The following PRSS58 variants were observed in gnomAD, a reference collection of about 807,000 sequenced individuals.
PRSS58 encodes protease, serine 58.
Under a neutral mutation model 25.0 loss-of-function variants are expected in PRSS58, and 31 were observed. The ratio of observed to expected loss-of-function variants is 1.24; its 90% confidence interval spans 0.93 to 1.67. The LOEUF (loss-of-function observed/expected upper bound fraction) is 1.67. Ranked by LOEUF, PRSS58 falls within the 40% of genes most tolerant of loss-of-function variation. PRSS58 has a pLI of 0.00. For synonymous variants in PRSS58, 119 were observed against 106.1 expected (o/e 1.12, Z -0.75); for missense variants, 324 against 287.9 (o/e 1.13, Z -0.91).
chr7:142,257,136 G>A (rs1331110326), intron 2 of PRSS58, among the ~76,000 whole-genome samples: 1 of 152,154 alleles, frequency 6.6e-6, no homozygotes, highest in Non-Finnish European at 1.5e-5. Context: ...GGTCTGTTAG[G>A]AGAATAATTT....
chr7:142,252,624 T>C lies in PRSS58; in HGVS notation c.437-13A>G, dbSNP rs2116380827. On this transcript the variant is annotated splice_polypyrimidine_tract_variant and intron_variant, in intron 4 of 5. Transcript: ENST00000547058. ...TCGGGCTCTTTGTCTAAAGAAAAGATAGAAGTCAAACTTCCTTAAGAGTTT... is the reference window on the plus strand; with the variant it reads ...TCGGGCTCTTTGTCTAAAGAAAAGACAGAAGTCAAACTTCCTTAAGAGTTT... 1 of 1,599,156 alleles carries C rather than the reference T, an allele frequency of 6.3e-7. No homozygotes were observed. The highest frequency in any genetic ancestry group is 8.5e-7 in the Non-Finnish European group (1 of 1,176,580).
At chr7:142,253,631 T>TC (rs111385036) in intron 4 of PRSS58, among the ~76,000 whole-genome samples, 27,665 of 152,074 alleles carry the variant, frequency 0.18, 3,366 homozygotes, top group African/African-American at 0.34. Context: ...TGTTTTTATT[T>TC]GAAAATAATG....
At chr7:142,255,475 G>A in intron 3 of PRSS58, 60 bp downstream of exon 3, 2 of 1,608,060 alleles carry the variant, frequency 1.2e-6, no homozygotes, top group South Asian at 1.1e-5. Context: ...ACAGGGGTGA[G>A]AGTCTGTGCC....
Position 142,255,534 on chromosome 7 carries a change from C to T in PRSS58, c.179+1G>A, listed in dbSNP as rs766468973. 89 of 1,613,928 alleles carry T rather than the reference C, an allele frequency of 5.5e-5. No individual in the cohort carries two copies. Among genetic ancestry groups the T allele is most frequent in the Non-Finnish European group, 6.5e-5 (77 of 1,179,986 alleles). On this transcript the variant is annotated splice_donor_variant, in intron 3 of 5. Transcript: ENST00000547058. LOFTEE classifies it high-confidence loss of function. ...AGTGCCTTTGAAGGCTTATCACTCA[C>T]GGTAAATTGCAGTGTGCAGCTGTGA...
At chr7:142,254,982 T>C (rs1386496157) in intron 4 of PRSS58, 73 bp downstream of exon 4, 12 of 1,452,096 alleles carry the variant, frequency 8.3e-6, no homozygotes, top group Admixed American at 3.4e-5. Context: ...CTAGGCCGAA[T>C]TGAAGAAGCC....
Position 142,255,289 on chromosome 7 carries a change from C to A in PRSS58, c.202G>T (p.Val68Phe), listed in dbSNP as rs1798536326. ...NLPKLRVILG[V>F]TIPADSNEKH... is the part of the protein sequence containing the mutation. ...TCATTAGAGTCTGCTGGGATTGTAA[C>A]CCCCAATATCACCCGAAGCTTTCTG... The change falls in exon 4 of 6, where the codon GTT becomes TTT. Residue 68 changes from valine (V) to phenylalanine (F), a missense_variant. Transcript: ENST00000547058. 1 of 1,613,740 alleles carries A rather than the reference C, an allele frequency of 6.2e-7. No individual in the cohort carries two copies. Among genetic ancestry groups the A allele is most frequent in the Non-Finnish European group, 8.5e-7 (1 of 1,179,750 alleles).
At position 142,252,389 on chromosome 7, in the gene PRSS58, T is replaced by TAAC. The variant is rs766659724; in HGVS notation, c.577-22_577-20dup. ...AAACTTCCTGCCAGGAAAACAATAA[T>TAAC]AACAACAACAAAAAAGCAGATTATC... is the stretch of plus-strand genomic sequence containing the variant. On this transcript the variant is annotated intron_variant, in intron 5 of 5. Coordinates refer to ENST00000547058, the MANE Select transcript of PRSS58 (RefSeq NM_001001317.5). The TAAC allele has an allele frequency of 6.8e-6, 11 of 1,610,964 alleles. No individual in the cohort carries two copies. The East Asian group carries it at 1.1e-4, about 16-fold the overall frequency.
At position 142,255,323 on chromosome 7, in the gene PRSS58, T is replaced by A. The variant is rs781175861; in HGVS notation, c.180-12A>T. On this transcript the variant is annotated splice_polypyrimidine_tract_variant and intron_variant, in intron 3 of 5. Coordinates refer to ENST00000547058, the MANE Select transcript of PRSS58 (RefSeq NM_001001317.5). ...TCACCCGAAGCTTTCTGGAACAATA[T>A]AGACGTTTATGAGAGGACTTAACAG... is the stretch of plus-strand genomic sequence containing the variant. The A allele has an allele frequency of 6.8e-6, 11 of 1,611,700 alleles. No homozygotes were observed. The South Asian group carries it at 1.1e-4, about 16-fold the overall frequency.
intron 4 of PRSS58, among the ~76,000 whole-genome samples, chr7:142,253,724 G>A (rs1206834999): frequency 6.6e-6 from 1 of 152,024 alleles, no homozygotes; most frequent in Non-Finnish European, 1.5e-5. Flanking sequence ...TTTCTTTTGG[G>A]AATACTTCTG....
chr7:142,257,164 G>A (rs1186247463), intron 2 of PRSS58, among the ~76,000 whole-genome samples: 3 of 152,220 alleles, frequency 2.0e-5, no homozygotes, highest in Non-Finnish European at 4.4e-5. Context: ...CAGGCAAGAG[G>A]TGGTGGCTTA....
chr7:142,255,413 G>T lies in PRSS58; in HGVS notation c.180-102C>A. The T allele has an allele frequency of 1.9e-6, 3 of 1,576,512 alleles. No homozygotes were observed. In the Admixed American group the frequency reaches 5.1e-5, roughly 27 times the overall value. On this transcript the variant is annotated intron_variant, in intron 3 of 5. Transcript: ENST00000547058. ...CCCACAGACCTTTTTCTGTACCCTC[G>T]TATGTCTCCCAAAGGCTTTTCTAAT...
intron 3 of PRSS58, 49 bp from the exon 4 acceptor site, chr7:142,255,360 C>T (rs567436531): frequency 1.4e-5 from 22 of 1,596,878 alleles, no homozygotes; most frequent in Non-Finnish European, 1.9e-5. Flanking sequence ...GATGGCTTCT[C>T]CATCATTATG....
intron 2 of PRSS58, 73 bp downstream of exon 2, chr7:142,257,595 C>CT (rs1432499342): frequency 7.7e-7 from 1 of 1,298,026 alleles, no homozygotes; most frequent in Non-Finnish European, 1.1e-6. Flanking sequence ...ATGCCTCTCG[C>CT]TGTTACCCGT....
Position 142,257,738 on chromosome 7 carries a change from T to A in PRSS58, c.-31A>T. On this transcript the variant is annotated 5_prime_UTR_variant, in exon 2 of 6. Transcript: ENST00000547058. Reference sequence around the variant, plus strand: ...TGTTGAAAGCCCAGTTTAGCTCCAGTCTCTGGAAAACTGGGAAGAGAGAGA... The same window carrying A: ...TGTTGAAAGCCCAGTTTAGCTCCAGACTCTGGAAAACTGGGAAGAGAGAGA... 1 of 1,596,132 alleles carries A rather than the reference T, an allele frequency of 6.3e-7. No individual in the cohort carries two copies. Among genetic ancestry groups the A allele is most frequent in the East Asian group, 2.2e-5 (1 of 44,760 alleles).
At chr7:142,257,159 A>C (rs999549892) in intron 2 of PRSS58, among the ~76,000 whole-genome samples, 2 of 152,200 alleles carry the variant, frequency 1.3e-5, no homozygotes, top group Non-Finnish European at 2.9e-5. Context: ...TAATCCAGGC[A>C]AGAGGTGGTG....
At chr7:142,255,713 C>A in intron 2 of PRSS58, 40 bp from the exon 3 acceptor site, 1 of 1,541,028 alleles carries the variant, frequency 6.5e-7, no homozygotes, top group Non-Finnish European at 8.7e-7. Context: ...CAAGATTTCT[C>A]AGTCATCACC....
chr7:142,257,668 C>G lies in PRSS58; in HGVS notation c.40G>C (p.Val14Leu), dbSNP rs149822174. The G allele has an allele frequency of 3.1e-6, 5 of 1,612,096 alleles. No homozygotes were observed. Among genetic ancestry groups the G allele is most frequent in the Admixed American group, 1.7e-5 (1 of 59,980 alleles). ...ILLWALLNLT[V>L]ALAFNPDYTV... ...AAGAGACAAATATGCACACACTCAC[C>G]AGTCAGATTCAAGAGAGCCCAGAGG... Residue 14 changes from valine to leucine, a missense_variant and splice_region_variant, in exon 2 of 6, where the codon GTT (valine) becomes CTT (leucine). Coordinates refer to ENST00000547058, the MANE Select transcript of PRSS58 (RefSeq NM_001001317.5).
At chr7:142,257,867 C>T (rs1451381448) in intron 1 of PRSS58, 119 bp from the exon 2 acceptor site, 3 of 651,414 alleles carry the variant, frequency 4.6e-6, no homozygotes, top group African/African-American at 1.8e-5. Context: ...GTCCATTATT[C>T]AGAGGAGAGT....
intron 4 of PRSS58, 111 bp downstream of exon 4, chr7:142,254,944 G>T (rs1215026603): frequency 1.8e-6 from 2 of 1,088,652 alleles, no homozygotes; most frequent in Non-Finnish European, 1.4e-6. Flanking sequence ...AAAAGGAAAG[G>T]GGGGAAAGAG....
Sources: allele counts gnomAD v4.1 joint callset (sites outside exome capture counted in the v4.1 genomes callset), GRCh38; gene constraint gnomAD v4.1.1; transcripts MANE v1.5; gene names NCBI Gene and HGNC (gene_info 2026-07-23, HGNC 2026-07-21).